Variants in PEAK1 observed in about 807,000 individuals in gnomAD.
PEAK1 encodes pseudopodium enriched atypical kinase 1.
A neutral mutation model predicts 124.7 loss-of-function variants in PEAK1; 54 were observed. The observed-to-expected ratio is 0.43, with a 90% confidence interval of 0.35 to 0.54. The LOEUF (loss-of-function observed/expected upper bound fraction) is 0.54, where lower values mean the gene tolerates loss of function less well. Ranked by LOEUF, PEAK1 falls within the 20% of genes least tolerant of loss-of-function variation. PEAK1 has a pLI of 0.01. For synonymous variants in PEAK1, 719 were observed against 760.0 expected, an observed-to-expected ratio of 0.95 and a Z score of 0.89; for missense variants, 2,046 against 2,134.5, an observed-to-expected ratio of 0.96 and a Z score of 0.82.
At chr15:77,195,068 GTTTA>G (rs940258616) in intron 6 of PEAK1, among the ~76,000 whole-genome samples, 3 of 151,754 alleles carry the variant, frequency 2.0e-5, no homozygotes, top group Admixed American at 2.0e-4. Context: ...TTTACTATAA[GTTTA>G]TTTAATTATA....
At chr15:77,402,607 A>G (rs938371580) in intron 1 of PEAK1, 7 of 983,498 alleles carry the variant, frequency 7.1e-6, no homozygotes, top group Non-Finnish European at 8.5e-6. Context: ...TTTTGAATGA[A>G]GGTACAAAGT....
intron 1 of PEAK1, among the ~76,000 whole-genome samples, chr15:77,407,952 C>CACACATATATACACATATAT: frequency 2.2e-5 from 2 of 89,662 alleles, no homozygotes; most frequent in East Asian, 5.0e-4. Context: ...TACACATATA[C>CACACATATATACACATATAT]ACACATATAT....
intron 1 of PEAK1, among the ~76,000 whole-genome samples, chr15:77,383,889 T>TA (rs1179083726): frequency 6.6e-6 from 1 of 152,216 alleles, no homozygotes; most frequent in Non-Finnish European, 1.5e-5. Context: ...TTAACTCAGT[T>TA]ACTCTCTCTA....
chr15:77,166,342 C>T (rs1443970124), intron 7 of PEAK1, among the ~76,000 whole-genome samples: 1 of 152,138 alleles, frequency 6.6e-6, no homozygotes, highest in Non-Finnish European at 1.5e-5. Context: ...ATAATAGTGG[C>T]CAAAATTTAC....
intron 5 of PEAK1, among the ~76,000 whole-genome samples, chr15:77,265,368 C>T (rs1241628074): frequency 6.6e-6 from 1 of 152,010 alleles, no homozygotes; most frequent in Non-Finnish European, 1.5e-5. Flanking sequence ...TGACAAAGGG[C>T]TAATATCCAG....
At chr15:77,402,007 T>C (rs1451701568) in intron 1 of PEAK1, 2 of 777,668 alleles carry the variant, frequency 2.6e-6, no homozygotes, top group East Asian at 2.6e-4. Context: ...AAGACCAACC[T>C]GGCCAACATG....
intron 1 of PEAK1, among the ~76,000 whole-genome samples, chr15:77,367,125 T>G (rs557838076): frequency 6.6e-5 from 10 of 152,216 alleles, no homozygotes; most frequent in African/African-American, 2.4e-4. Context: ...CGGGCGAGAC[T>G]CCATCTCAAA....
intron 8 of PEAK1, among the ~76,000 whole-genome samples, chr15:77,144,666 G>C (rs2054043450): frequency 6.6e-6 from 1 of 152,180 alleles, no homozygotes; most frequent in South Asian, 2.1e-4. Context: ...GATCTCCTGG[G>C]AGCTAAGGAG....
chr15:77,207,453 G>A (rs962931493), intron 6 of PEAK1, among the ~76,000 whole-genome samples: 3 of 152,180 alleles, frequency 2.0e-5, no homozygotes, highest in Non-Finnish European at 4.4e-5. Flanking sequence ...TGGACAAACT[G>A]TGGTATACCC....
chr15:77,285,508 A>G (rs1447172895), intron 3 of PEAK1, among the ~76,000 whole-genome samples: 1 of 152,220 alleles, frequency 6.6e-6, no homozygotes, highest in Non-Finnish European at 1.5e-5. Flanking sequence ...AATAGGGAAC[A>G]TTGTGACATA....
intron 1 of PEAK1, among the ~76,000 whole-genome samples, chr15:77,411,932 T>G (rs1595882767): frequency 6.6e-6 from 1 of 152,234 alleles, no homozygotes; most frequent in Non-Finnish European, 1.5e-5. Context: ...TATATCTTTA[T>G]CAGGTATGTG....
exon 7 of PEAK1, chr15:77,103,032 C>T (rs564450762): frequency 2.6e-5 from 4 of 152,206 alleles, no homozygotes; most frequent in East Asian, 3.9e-4. Context: ...TGTGACTGAA[C>T]GCCTGAAGAA....
chr15:77,303,078 T>C (rs543176909), intron 2 of PEAK1, among the ~76,000 whole-genome samples: 21 of 152,342 alleles, frequency 1.4e-4, no homozygotes, highest in Non-Finnish European at 7.4e-5. Flanking sequence ...GATTCATCCA[T>C]GTCTTTTCAT....
intron 1 of PEAK1, among the ~76,000 whole-genome samples, chr15:77,375,120 C>T (rs1204087435): frequency 6.6e-6 from 1 of 152,070 alleles, no homozygotes; most frequent in Non-Finnish European, 1.5e-5. Context: ...AAAATATATA[C>T]AAAGAAAATG....
intron 9 of PEAK1, among the ~76,000 whole-genome samples, chr15:77,126,920 T>C (rs974884951): frequency 2.6e-5 from 4 of 152,226 alleles, no homozygotes; most frequent in African/African-American, 7.2e-5. Context: ...ACTTACTTTA[T>C]AACAAAGACA....
At chr15:77,236,278 C>G (rs890903980) in intron 6 of PEAK1, among the ~76,000 whole-genome samples, 1 of 152,162 alleles carries the variant, frequency 6.6e-6, no homozygotes. Context: ...GGGGACTGTA[C>G]CCTGCAAAGC....
At chr15:77,308,110 G>A (rs2064209546) in intron 2 of PEAK1, among the ~76,000 whole-genome samples, 1 of 152,102 alleles carries the variant, frequency 6.6e-6, no homozygotes, top group Admixed American at 6.6e-5. Flanking sequence ...AGCTTTTCAG[G>A]TATACTAACA....
intron 2 of PEAK1, among the ~76,000 whole-genome samples, chr15:77,313,692 G>GTGTGTGTGTGTGTA (rs34603921): frequency 6.8e-4 from 67 of 98,792 alleles, no homozygotes; most frequent in African/African-American, 1.8e-3. Context: ...GTGTGTGTGT[G>GTGTGTGTGTGTGTA]TATATATATA....
At chr15:77,170,562 T>C (rs1028382859) in intron 7 of PEAK1, among the ~76,000 whole-genome samples, 10 of 152,138 alleles carry the variant, frequency 6.6e-5, no homozygotes, top group African/African-American at 2.2e-4. Context: ...AGGTGGCTGT[T>C]CTCAGAATAG....
Sources: allele counts gnomAD v4.1 joint callset (sites outside exome capture counted in the v4.1 genomes callset), GRCh38; gene constraint gnomAD v4.1.1; transcripts MANE v1.5; gene names NCBI Gene and HGNC (gene_info 2026-07-23, HGNC 2026-07-21).